The following ITPR2 variants were observed in gnomAD, a reference collection of about 807,000 sequenced individuals.
ITPR2 encodes inositol 1,4,5-trisphosphate-gated calcium channel ITPR2.
ITPR2 carries 207 observed loss-of-function variants against 317.1 expected under a neutral mutation model. That is an observed-to-expected ratio of 0.65 (90% CI 0.58 to 0.73). The LOEUF is 0.73. ITPR2 is among the 30% of genes least tolerant of loss of function. ITPR2 has a pLI of 0.00. For missense variants in ITPR2, 2,613 were observed against 3,284.0 expected (o/e 0.80, Z 4.99); for synonymous variants, 1,156 against 1,149.1 (o/e 1.01, Z -0.12).
intron 39 of ITPR2, among the ~76,000 whole-genome samples, chr12:26,490,303 C>T (rs1942769031): frequency 6.6e-6 from 1 of 152,170 alleles, no homozygotes; most frequent in Non-Finnish European, 1.5e-5. Context: ...AGGGAATGGA[C>T]ACCAAATGTC....
At chr12:26,702,850 T>C (rs772480949) in intron 9 of ITPR2, among the ~76,000 whole-genome samples, 39 of 152,162 alleles carry the variant, frequency 2.6e-4, no homozygotes, top group Admixed American at 9.8e-4. Context: ...ACTTAAACCG[T>C]GTTAAATCTT....
intron 31 of ITPR2, among the ~76,000 whole-genome samples, chr12:26,596,646 CAAAAA>C (rs35579016): frequency 1.1e-5 from 1 of 87,444 alleles, no homozygotes; most frequent in Non-Finnish European, 2.2e-5. Flanking sequence ...AACTCTGTCT[CAAAAA>C]AAAAAAAAAA....
intron 9 of ITPR2, among the ~76,000 whole-genome samples, chr12:26,704,488 T>C (rs143793439): frequency 3.0e-4 from 46 of 152,290 alleles, no homozygotes; most frequent in African/African-American, 9.6e-4. Context: ...TGAGGCAGTG[T>C]TTCCTATGTC....
At chr12:26,626,071 C>T (rs2136819207) in intron 23 of ITPR2, among the ~76,000 whole-genome samples, 1 of 152,336 alleles carries the variant, frequency 6.6e-6, no homozygotes, top group South Asian at 2.1e-4. Context: ...AAGCAATCCT[C>T]CTGCCTCAGC....
At chr12:26,820,869 A>T (rs1950927829) in intron 1 of ITPR2, among the ~76,000 whole-genome samples, 1 of 152,230 alleles carries the variant, frequency 6.6e-6, no homozygotes, top group African/African-American at 2.4e-5. Context: ...CAAGCCAGAC[A>T]CACAAAAGGA....
intron 1 of ITPR2, among the ~76,000 whole-genome samples, chr12:26,805,262 T>C (rs1950621167): frequency 2.0e-5 from 3 of 152,244 alleles, no homozygotes; most frequent in Non-Finnish European, 2.9e-5. Flanking sequence ...AAAATTGAGA[T>C]AATAATAGTA....
At chr12:26,788,014 T>C (rs1950285907) in intron 2 of ITPR2, among the ~76,000 whole-genome samples, 1 of 146,502 alleles carries the variant, frequency 6.8e-6, no homozygotes. Flanking sequence ...AACCTCTGCC[T>C]CCCATTCAGG....
chr12:26,543,916 AT>A (rs1944325379), intron 37 of ITPR2, among the ~76,000 whole-genome samples: 1 of 152,208 alleles, frequency 6.6e-6, no homozygotes, highest in Admixed American at 6.5e-5. Flanking sequence ...CCTTCTAAAT[AT>A]GCCAACCCCA....
In ITPR2 at chr12:26,507,853, C is replaced by CTGTG. The variant is rs541133629; in HGVS notation, c.5074-12594_5074-12593insCACA. 3.0e-3 allele frequency among the ~76,000 whole-genome samples: 323 copies of CTGTG among 107,474 alleles called. 1 individual carries two copies. Among genetic ancestry groups the CTGTG allele is most frequent in the South Asian group, 6.5e-3 (17 of 2,602 alleles). The allele number at this position is 107,474 out of a possible 152,430, so 70.5% of individuals were successfully genotyped here. Reference sequence around the variant, plus strand: ...TCAATGAATATCTCTCTACTCTTCTCTCTCTGTCTCTGTGTGTGTGTGTGT... The same window carrying CTGTG: ...TCAATGAATATCTCTCTACTCTTCTCTGTGTCTCTGTCTCTGTGTGTGTGTGTGT... On this transcript the variant is annotated intron_variant, in intron 37 of 56. Coordinates refer to ENST00000381340, the MANE Select transcript of ITPR2 (RefSeq NM_002223.4).
At chr12:26,695,509 C>T in intron 10 of ITPR2, 97 bp downstream of exon 10, 1 of 975,870 alleles carries the variant, frequency 1.0e-6, no homozygotes, top group South Asian at 1.3e-5. Context: ...TCTCTCTGAG[C>T]CCCTAGTCTT....
intron 45 of ITPR2, among the ~76,000 whole-genome samples, chr12:26,465,441 A>C (rs1942147751): frequency 6.6e-6 from 1 of 152,178 alleles, no homozygotes; most frequent in Non-Finnish European, 1.5e-5. Flanking sequence ...TGGAGATAGC[A>C]ATTATATACA....
intron 2 of ITPR2, among the ~76,000 whole-genome samples, chr12:26,766,966 T>C (rs1949731309): frequency 6.6e-6 from 1 of 152,210 alleles, no homozygotes; most frequent in African/African-American, 2.4e-5. Context: ...TGTGCGTATA[T>C]ATATAATACA....
intron 45 of ITPR2, among the ~76,000 whole-genome samples, 176 bp from the exon 46 acceptor site, chr12:26,443,826 A>G (rs970736436): frequency 1.3e-5 from 2 of 152,162 alleles, no homozygotes; most frequent in African/African-American, 4.8e-5. Context: ...TGAAATCACA[A>G]TGATCAGCCA....
intron 30 of ITPR2, 53 bp downstream of exon 30, chr12:26,599,090 CAT>C (rs1174084766): frequency 1.4e-6 from 2 of 1,464,144 alleles, no homozygotes; most frequent in African/African-American, 2.8e-5. Flanking sequence ...ATAGAAAATG[CAT>C]ATTTGAACAT....
intron 9 of ITPR2, among the ~76,000 whole-genome samples, chr12:26,702,727 G>A (rs1948472362): frequency 6.6e-6 from 1 of 152,046 alleles, no homozygotes. Context: ...GTCTAGCACT[G>A]AGTTATTTCT....
intron 21 of ITPR2, among the ~76,000 whole-genome samples, chr12:26,643,837 C>A (rs935165112): frequency 6.6e-6 from 1 of 152,106 alleles, no homozygotes; most frequent in African/African-American, 2.4e-5. Flanking sequence ...AAGAGAAATG[C>A]CTTAAAGATG....
At chr12:26,593,736 TG>T (rs67516926) in intron 32 of ITPR2, among the ~76,000 whole-genome samples, 93,015 of 144,422 alleles carry the variant, frequency 0.64, 30,114 homozygotes, top group Non-Finnish European at 0.74. Flanking sequence ...GCTATTTTTT[TG>T]TTTTTTTTTT....
intron 34 of ITPR2, among the ~76,000 whole-genome samples, chr12:26,573,267 C>T (rs575464591): frequency 8.5e-5 from 13 of 152,148 alleles, no homozygotes; most frequent in Admixed American, 7.9e-4. Flanking sequence ...ATTTCAAACC[C>T]AACTCAAATA....
chr12:26,695,579 T>A, intron 10 of ITPR2, 27 bp downstream of exon 10: 2 of 1,583,050 alleles, frequency 1.3e-6, no homozygotes, highest in Non-Finnish European at 1.7e-6. Flanking sequence ...TGCTGAGATT[T>A]GTTGGAGAAA....
Sources: allele counts gnomAD v4.1 joint callset (sites outside exome capture counted in the v4.1 genomes callset), GRCh38; gene constraint gnomAD v4.1.1; transcripts MANE v1.5; gene names NCBI Gene and HGNC (gene_info 2026-07-23, HGNC 2026-07-21).